The following MYZAP variants were observed in gnomAD, a reference collection of about 807,000 sequenced individuals.
MYZAP encodes the protein myocardial zonula adherens protein, also known as GRINL1A complex locus upstream.
A neutral mutation model predicts 69.4 loss-of-function variants in MYZAP; 66 were observed. That is an observed-to-expected ratio of 0.95 (90% CI 0.78 to 1.17). The LOEUF (loss-of-function observed/expected upper bound fraction) is 1.17. Among genes scored for constraint, MYZAP ranks in the 50% most tolerant of loss-of-function variants. The probability of loss-of-function intolerance (pLI) is 0.00; values close to 1 mark genes in which losing one functional copy is unlikely to be tolerated. For missense variants in MYZAP, 611 were observed against 556.2 expected, an observed-to-expected ratio of 1.10 and a Z score of -0.99; for synonymous variants, 256 against 205.9, an observed-to-expected ratio of 1.24 and a Z score of -2.09.
rs2037025158 is a variant in MYZAP, at chr15:57,639,667, T to C, written c.1119+122T>C. On this transcript the variant is annotated intron_variant, in intron 10 of 12. Coordinates refer to ENST00000267853, the MANE Select transcript of MYZAP (RefSeq NM_001018100.5). ...TCACAAGCCGAGGTGCTCAGGCCAC[T>C]GCCATCTAGGCCCAGAGTGGGATTT... 1.1e-5 allele frequency: 12 copies of C among 1,091,618 alleles called. 1 individual carries two copies. Among genetic ancestry groups the C allele is most frequent in the Non-Finnish European group, 1.3e-6 (1 of 752,738 alleles). 67.6% of individuals were successfully genotyped at this position (1,091,618 alleles called of 1,614,324 possible).
intron 10 of MYZAP, among the ~76,000 whole-genome samples, chr15:57,657,005 T>G (rs996138095): frequency 1.5e-4 from 23 of 152,158 alleles, no homozygotes; most frequent in Non-Finnish European, 4.4e-5. Context: ...TCTAGAGACC[T>G]TCTCTCTATA....
At chr15:57,661,266 C>T (rs1395069698) in intron 10 of MYZAP, among the ~76,000 whole-genome samples, 184 bp from the exon 11 acceptor site, 5 of 151,988 alleles carry the variant, frequency 3.3e-5, no homozygotes, top group East Asian at 3.9e-4. Flanking sequence ...TACTGTTCCA[C>T]GAAACACAGA....
intron 12 of MYZAP, among the ~76,000 whole-genome samples, chr15:57,680,075 G>A (rs2039352959): frequency 6.6e-6 from 1 of 152,154 alleles, no homozygotes; most frequent in South Asian, 2.1e-4. Context: ...CCCTTTGGAA[G>A]CTTGTTGAGA....
intron 10 of MYZAP, chr15:57,646,872 A>G: frequency 2.0e-6 from 2 of 985,452 alleles, no homozygotes; most frequent in South Asian, 4.7e-5. Context: ...TGGCTGAAAT[A>G]TGTTGAACTG....
intron 10 of MYZAP, chr15:57,647,474 G>A (rs1188670326): frequency 7.1e-6 from 7 of 985,282 alleles, no homozygotes; most frequent in Non-Finnish European, 8.4e-6. Flanking sequence ...TGTTCTAGCA[G>A]CATTGATTCA....
intron 7 of MYZAP, among the ~76,000 whole-genome samples, chr15:57,632,931 C>T (rs2036594728): frequency 1.3e-5 from 2 of 152,186 alleles, no homozygotes; most frequent in South Asian, 2.1e-4. Context: ...GCCTAAGCTC[C>T]CTAAAAGCCT....
intron 2 of MYZAP, among the ~76,000 whole-genome samples, chr15:57,610,463 G>T (rs1426055480): frequency 6.6e-6 from 1 of 152,142 alleles, no homozygotes; most frequent in African/African-American, 2.4e-5. Flanking sequence ...TGCCCTTTGT[G>T]ACAGCACACC....
At chr15:57,658,352 C>T (rs1375110414) in intron 10 of MYZAP, among the ~76,000 whole-genome samples, 1 of 152,192 alleles carries the variant, frequency 6.6e-6, no homozygotes, top group African/African-American at 2.4e-5. Flanking sequence ...TATCATCACA[C>T]CTAACAAAAT....
At chr15:57,624,948 A>G (rs1431782441) in intron 4 of MYZAP, among the ~76,000 whole-genome samples, 3 of 152,140 alleles carry the variant, frequency 2.0e-5, no homozygotes, top group Middle Eastern at 3.2e-3. Context: ...TCCTAACTGT[A>G]TCTAGCCTCT....
rs376730849 is a variant in MYZAP at position 57,668,322 on chromosome 15, G to A, written c.1204-6646G>A. On this transcript the variant is annotated intron_variant, in intron 11 of 12. Coordinates refer to ENST00000267853, the MANE Select transcript of MYZAP (RefSeq NM_001018100.5). ...TTCCTGGTAGTGGAATAGCTGGGTCGTAAAAGGAGGTATAAGTTTAACTTT... is the reference window on the plus strand; with the variant it reads ...TTCCTGGTAGTGGAATAGCTGGGTCATAAAAGGAGGTATAAGTTTAACTTT... 9.9e-4 allele frequency among the ~76,000 whole-genome samples: 151 copies of A among 152,276 alleles called. 1 individual carries two copies. The highest frequency in any genetic ancestry group is 3.4e-3 in the Middle Eastern group (1 of 294).
In MYZAP at chr15:57,599,653, G is replaced by T. The variant is rs1035650961; in HGVS notation, c.76-4616G>T. ...AGCCTGGGGCATCTCTGGAGATTGT[G>T]TATCCGAGTTTCAGGAGACCATGGA... On this transcript the variant is annotated intron_variant, in intron 1 of 12. Transcript: ENST00000267853. 9 of 1,289,072 alleles carry T rather than the reference G, an allele frequency of 7.0e-6. No individual in the cohort carries two copies. In the African/African-American group the frequency reaches 1.4e-4, roughly 20 times the overall value. 79.9% of individuals were successfully genotyped at this position (1,289,072 alleles called of 1,614,324 possible). A position where few individuals can be genotyped will look rare whatever the true frequency, so the allele number is the denominator to read the frequency against.
intron 3 of MYZAP, among the ~76,000 whole-genome samples, chr15:57,620,145 A>G (rs2035721451): frequency 1.3e-5 from 2 of 152,198 alleles, no homozygotes; most frequent in South Asian, 4.1e-4. Flanking sequence ...TGTACCTTTA[A>G]CCTCATTTTC....
chr15:57,674,135 A>C (rs931652699), intron 11 of MYZAP, among the ~76,000 whole-genome samples: 1 of 151,232 alleles, frequency 6.6e-6, no homozygotes, highest in Non-Finnish European at 1.5e-5. Flanking sequence ...CTTCTTTCTG[A>C]ATATTTTTTT....
intron 4 of MYZAP, among the ~76,000 whole-genome samples, chr15:57,625,316 C>A (rs1389742778): frequency 2.6e-5 from 4 of 152,106 alleles, no homozygotes; most frequent in African/African-American, 9.7e-5. Context: ...TCAGGTGATC[C>A]GACCGCCTCG....
intron 6 of MYZAP, among the ~76,000 whole-genome samples, chr15:57,630,912 T>C (rs1382669539): frequency 2.6e-5 from 4 of 152,140 alleles, no homozygotes; most frequent in African/African-American, 7.2e-5. Flanking sequence ...GGAGACAAAC[T>C]GGGAAGTGTG....
intron 2 of MYZAP, among the ~76,000 whole-genome samples, chr15:57,611,413 C>T (rs1431012764): frequency 6.6e-6 from 1 of 152,186 alleles, no homozygotes; most frequent in Non-Finnish European, 1.5e-5. Context: ...CCCTGGGTTC[C>T]AGAAAAGCAG....
intron 12 of MYZAP, among the ~76,000 whole-genome samples, chr15:57,676,543 CAATT>C (rs1361468926): frequency 6.6e-6 from 1 of 150,788 alleles, no homozygotes; most frequent in Non-Finnish European, 1.5e-5. Context: ...AAAGAACGAT[CAATT>C]GTGTACAGAG....
intron 3 of MYZAP, among the ~76,000 whole-genome samples, chr15:57,620,924 G>C (rs2035765309): frequency 6.6e-6 from 1 of 151,070 alleles, no homozygotes; most frequent in African/African-American, 2.4e-5. Context: ...TTTTTCTTCA[G>C]AGTTTATTTG....
At chr15:57,631,351 A>AG (rs1362676524) in intron 6 of MYZAP, among the ~76,000 whole-genome samples, 10 of 152,044 alleles carry the variant, frequency 6.6e-5, no homozygotes, top group African/African-American at 2.4e-4. Flanking sequence ...CCTGGAGTCC[A>AG]GGCCTTTAAC....
Sources: allele counts gnomAD v4.1 joint callset (sites outside exome capture counted in the v4.1 genomes callset), GRCh38; gene constraint gnomAD v4.1.1; transcripts MANE v1.5; gene names NCBI Gene and HGNC (gene_info 2026-07-23, HGNC 2026-07-21).